Variants in RPRD2 observed in about 807,000 individuals in gnomAD.
RPRD2 encodes regulation of nuclear pre-mRNA domain containing 2, also known as regulation of nuclear pre-mRNA domain-containing protein 2.
Under a neutral mutation model 104.4 loss-of-function variants are expected in RPRD2, and 12 were observed. The ratio of observed to expected loss-of-function variants is 0.11; its 90% CI spans 0.07 to 0.19. The LOEUF (loss-of-function observed/expected upper bound fraction) is 0.19, where lower values mean the gene tolerates loss of function less well. Among genes scored for constraint, RPRD2 ranks in the 10% least tolerant of loss-of-function variants. The pLI is 1.00. For missense variants in RPRD2, 1,543 were observed against 1,790.1 expected (o/e 0.86, Z 2.49); for synonymous variants, 714 against 684.9 (o/e 1.04, Z -0.66).
At chr1:150,365,628 C>T (rs1659779730) in intron 1 of RPRD2, among the ~76,000 whole-genome samples, 1 of 152,010 alleles carries the variant, frequency 6.6e-6, no homozygotes, top group Non-Finnish European at 1.5e-5. Context: ...TTGCTCTTGT[C>T]GCCCAGGCTG....
rs892366810 is a variant in RPRD2, at chr1:150,457,788, A to G, written c.1153+218A>G. 2.6e-5 allele frequency among the ~76,000 whole-genome samples: 4 copies of G among 152,160 alleles called. No individual in the cohort carries two copies. The South Asian group carries it at 8.3e-4, about 32-fold the overall frequency. On this transcript the variant is annotated intron_variant, in intron 8 of 10. Transcript: ENST00000369068. ...CTGCACTGTTAAAATGCTAGCTACT[A>G]GGCCATGGGCGGTGGCTCATGCCTG...
chr1:150,446,353 T>C lies in RPRD2; in HGVS notation c.822T>C (p.Ala274=). Residue 274 remains alanine, a synonymous_variant, in exon 7 of 11, where the codon GCT becomes GCC. Transcript: ENST00000369068. ...CATTAACAGAAGCACTGGAAAATGC[T>C]GGAATTTTCTATGAAGCACAATACA... ...GPSLTEALEN[A]GIFYEAQYKE... is the part of the protein sequence containing the mutation. The C allele has an allele frequency of 6.2e-7, 1 of 1,609,926 alleles. No homozygotes were observed. The highest frequency in any genetic ancestry group is 1.7e-5 in the Admixed American group (1 of 58,186).
intron 3 of RPRD2, 51 bp downstream of exon 3, chr1:150,441,074 A>G (rs782384062): frequency 1.1e-6 from 1 of 873,518 alleles, no homozygotes; most frequent in Non-Finnish European, 1.8e-6. Context: ...AGTCTTTACA[A>G]TTACATAATT....
chr1:150,372,412 C>T (rs1660379324), intron 1 of RPRD2, among the ~76,000 whole-genome samples: 1 of 151,820 alleles, frequency 6.6e-6, no homozygotes, highest in African/African-American at 2.4e-5. Flanking sequence ...ATTGCTTGAA[C>T]CCGGGAGGCA....
Position 150,470,579 on chromosome 1 carries a change from A to C in RPRD2, c.1631A>C (p.Gln544Pro). 6.2e-7 allele frequency: 1 copy of C among 1,613,748 alleles called. No homozygotes were observed. Among genetic ancestry groups the C allele is most frequent in the Non-Finnish European group, 8.5e-7 (1 of 1,179,746 alleles). ...TCTACAGGCCTGTCATCTTTACTTCAGAGTGTTACTGGGAACCCAGTTCCA... is the reference window on the plus strand; with the variant it reads ...TCTACAGGCCTGTCATCTTTACTTCCGAGTGTTACTGGGAACCCAGTTCCA... ...PALQGLSSLL[Q>P]SVTGNPVPAS... The change falls in exon 11 of 11, where the codon CAG (glutamine) becomes CCG (proline). Residue 544 changes from glutamine to proline, a missense_variant. Coordinates refer to ENST00000369068, the MANE Select transcript of RPRD2 (RefSeq NM_015203.5).
intron 2 of RPRD2, among the ~76,000 whole-genome samples, chr1:150,422,368 A>AATAAT (rs1226427352): frequency 1.2e-5 from 1 of 82,116 alleles, no homozygotes; most frequent in African/African-American, 4.5e-5. Flanking sequence ...TAATAATAAT[A>AATAAT]AATAAAATTA....
At chr1:150,372,170 TACAG>T (rs1209062916) in intron 1 of RPRD2, among the ~76,000 whole-genome samples, 3 of 152,190 alleles carry the variant, frequency 2.0e-5, no homozygotes, top group Non-Finnish European at 4.4e-5. Flanking sequence ...GGTGGGTAGA[TACAG>T]ACCCTAACTT....
intron 2 of RPRD2, among the ~76,000 whole-genome samples, chr1:150,440,562 C>T (rs1666349144): frequency 6.6e-6 from 1 of 152,074 alleles, no homozygotes; most frequent in Non-Finnish European, 1.5e-5. Flanking sequence ...TGAAAAAATA[C>T]AGCATTGCTA....
At chr1:150,397,538 C>T (rs1218332564) in intron 1 of RPRD2, among the ~76,000 whole-genome samples, 1 of 152,120 alleles carries the variant, frequency 6.6e-6, no homozygotes, top group Non-Finnish European at 1.5e-5. Flanking sequence ...TTTGACTCTT[C>T]CAGAATGTCA....
rs1664254110 is a variant in RPRD2 at position 150,415,330 on chromosome 1, A to AT, written c.206-2266_206-2265insT. ...CTGGGCGACGAGTGAAACTGTCTCA[A>AT]AAATAATAATAATAATAATTAATAA... On this transcript the variant is annotated intron_variant, in intron 1 of 10. Coordinates refer to ENST00000369068, the MANE Select transcript of RPRD2 (RefSeq NM_015203.5). Among the ~76,000 whole-genome samples, 5 of 134,504 alleles carry AT rather than the reference A, an allele frequency of 3.7e-5. No homozygotes were observed. The South Asian group carries it at 7.3e-4, about 20-fold the overall frequency. 88.2% of individuals were successfully genotyped at this position (134,504 alleles called of 152,430 possible).
chr1:150,365,888 G>T (rs1278751176), intron 1 of RPRD2, among the ~76,000 whole-genome samples: 1 of 152,222 alleles, frequency 6.6e-6, no homozygotes, highest in East Asian at 1.9e-4. Context: ...CCCCGTGCCC[G>T]GCCCCGTTAC....
chr1:150,388,522 C>CAT (rs60120982), intron 1 of RPRD2, among the ~76,000 whole-genome samples: 40,023 of 144,134 alleles, frequency 0.28, 6,298 homozygotes, highest in Non-Finnish European at 0.36. Flanking sequence ...CACACACACA[C>CAT]ATATATACAC....
At chr1:150,448,746 C>T (rs1666964835) in intron 7 of RPRD2, among the ~76,000 whole-genome samples, 1 of 152,128 alleles carries the variant, frequency 6.6e-6, no homozygotes, top group Non-Finnish European at 1.5e-5. Context: ...TTCCCTTTTC[C>T]CCCTGGGTCC....
chr1:150,463,972 G>A (rs1435705888), intron 9 of RPRD2, among the ~76,000 whole-genome samples: 1 of 152,120 alleles, frequency 6.6e-6, no homozygotes, highest in Non-Finnish European at 1.5e-5. Flanking sequence ...GCAAGACCCT[G>A]TCTCTATTTT....
At chr1:150,388,895 C>T (rs1553882704) in intron 1 of RPRD2, among the ~76,000 whole-genome samples, 1 of 151,968 alleles carries the variant, frequency 6.6e-6, no homozygotes, top group African/African-American at 2.4e-5. Context: ...TGAGCCACTG[C>T]ACTTGGCCTA....
intron 10 of RPRD2, 37 bp downstream of exon 10, chr1:150,464,764 T>C: frequency 6.6e-7 from 1 of 1,504,200 alleles, no homozygotes; most frequent in Non-Finnish European, 9.2e-7. Flanking sequence ...GAATTGTGAA[T>C]GTTTGTCTCT....
chr1:150,380,038 T>C (rs1661012029), intron 1 of RPRD2, among the ~76,000 whole-genome samples: 1 of 152,240 alleles, frequency 6.6e-6, no homozygotes. Flanking sequence ...CTTTATTTTA[T>C]CAACCAGTTA....
Position 150,418,958 on chromosome 1 carries a change from G to T in RPRD2, c.335+1233G>T, listed in dbSNP as rs1013476845. Among the ~76,000 whole-genome samples, 8 of 152,172 alleles carry T rather than the reference G, an allele frequency of 5.3e-5. No individual in the cohort carries two copies. In the South Asian group the frequency reaches 1.7e-3, roughly 32 times the overall value. The stretch of plus-strand genomic sequence containing the variant: ...ACCCAGGAGGCAGAGCTTGCAGTAA[G>T]CCGAGATCACGCCACTGCACTCCAG... On this transcript the variant is annotated intron_variant, in intron 2 of 10. Coordinates refer to ENST00000369068, the MANE Select transcript of RPRD2 (RefSeq NM_015203.5).
intron 1 of RPRD2, among the ~76,000 whole-genome samples, chr1:150,410,855 T>G (rs1663842933): frequency 6.6e-6 from 1 of 152,152 alleles, no homozygotes. Flanking sequence ...AAGGTCCAGT[T>G]TGGTCTCTGG....
Sources: gnomAD v4.1 joint callset for allele counts (sites outside exome capture counted in the v4.1 genomes callset) on GRCh38, gnomAD v4.1.1 for gene constraint, MANE v1.5 for transcripts, NCBI Gene and HGNC (gene_info 2026-07-23, HGNC 2026-07-21) for gene names.